Variants in CCSER1 observed in about 807,000 individuals in gnomAD.
CCSER1 encodes coiled-coil serine rich protein 1.
CCSER1 carries 41 observed loss-of-function variants against 82.0 expected under a neutral mutation model. The observed-to-expected ratio is 0.50, with a 90% confidence interval of 0.39 to 0.65. The LOEUF (loss-of-function observed/expected upper bound fraction) is 0.65, where lower values mean the gene tolerates loss of function less well. Among genes scored for constraint, CCSER1 ranks in the 30% least tolerant of loss-of-function variants. CCSER1 has a pLI of 0.00. For missense variants in CCSER1, 1,119 were observed against 1,064.2 expected (o/e 1.05, Z -0.72); for synonymous variants, 414 against 383.9 (o/e 1.08, Z -0.92).
chr4:90,545,998 A>G (rs1315059763), intron 5 of CCSER1, among the ~76,000 whole-genome samples: 3 of 152,144 alleles, frequency 2.0e-5, no homozygotes, highest in Admixed American at 6.6e-5. Context: ...CATGCAACCA[A>G]CACAGTTTCT....
intron 1 of CCSER1, among the ~76,000 whole-genome samples, chr4:90,252,932 A>G (rs925901282): frequency 2.0e-5 from 3 of 151,716 alleles, no homozygotes; most frequent in African/African-American, 4.8e-5. Flanking sequence ...TCGTTTTTGC[A>G]TCTTGGAATC....
intron 10 of CCSER1, among the ~76,000 whole-genome samples, chr4:91,508,597 A>G: frequency 6.7e-6 from 1 of 149,430 alleles, no homozygotes; most frequent in Non-Finnish European, 1.5e-5. Context: ...TGGTTTAGGT[A>G]TCAGTGAAAT....
intron 4 of CCSER1, among the ~76,000 whole-genome samples, chr4:90,457,436 A>G (rs943866580): frequency 2.0e-5 from 3 of 152,108 alleles, no homozygotes; most frequent in Admixed American, 6.6e-5. Flanking sequence ...TCTTGTTTCC[A>G]GGAAGAATGA....
intron 8 of CCSER1, among the ~76,000 whole-genome samples, chr4:90,893,426 C>A (rs985402475): frequency 6.6e-6 from 1 of 151,872 alleles, no homozygotes; most frequent in Non-Finnish European, 1.5e-5. Context: ...AGAAAAACCC[C>A]TGCCAATATA....
intron 3 of CCSER1, among the ~76,000 whole-genome samples, chr4:90,391,927 GA>G (rs1304414459): frequency 2.0e-5 from 3 of 151,898 alleles, no homozygotes; most frequent in Non-Finnish European, 4.4e-5. Flanking sequence ...GTATTTTATT[GA>G]AGAGAAATGT....
intron 8 of CCSER1, among the ~76,000 whole-genome samples, chr4:90,874,571 G>A (rs1416570539): frequency 2.0e-5 from 3 of 152,178 alleles, no homozygotes; most frequent in South Asian, 2.1e-4. Context: ...AGAAAGTAAC[G>A]TAACATTCCT....
chr4:90,304,601 G>T (rs922590669), intron 1 of CCSER1, among the ~76,000 whole-genome samples: 1 of 151,956 alleles, frequency 6.6e-6, no homozygotes, highest in African/African-American at 2.4e-5. Context: ...TGAACAATGA[G>T]AACACATGGA....
chr4:90,665,336 T>C (rs1560910217), intron 6 of CCSER1, among the ~76,000 whole-genome samples: 1 of 151,970 alleles, frequency 6.6e-6, no homozygotes, highest in Non-Finnish European at 1.5e-5. Flanking sequence ...TTTCTTTTTT[T>C]TTTTTGAGAC....
chr4:90,218,632 C>T (rs1741550321), intron 1 of CCSER1, among the ~76,000 whole-genome samples: 1 of 152,074 alleles, frequency 6.6e-6, no homozygotes, highest in Non-Finnish European at 1.5e-5. Flanking sequence ...GTCTTAATTT[C>T]CTTAGGAGTA....
intron 6 of CCSER1, among the ~76,000 whole-genome samples, chr4:90,723,268 T>C (rs1279177987): frequency 6.6e-6 from 1 of 151,980 alleles, no homozygotes; most frequent in African/African-American, 2.4e-5. Flanking sequence ...GACGTTTTAA[T>C]TGATTTTATT....
At chr4:91,482,408 CAAAAAAAA>C (rs537828832) in intron 10 of CCSER1, among the ~76,000 whole-genome samples, 10 of 69,976 alleles carry the variant, frequency 1.4e-4, no homozygotes, top group Admixed American at 2.0e-4. Flanking sequence ...GACTCCGTCT[CAAAAAAAA>C]AAAAAAAAAA....
intron 3 of CCSER1, among the ~76,000 whole-genome samples, chr4:90,388,985 T>C (rs1486063860): frequency 6.6e-6 from 1 of 152,212 alleles, no homozygotes; most frequent in African/African-American, 2.4e-5. Context: ...TCTCATAGTA[T>C]TGTATATTCA....
At chr4:91,467,743 A>G (rs1159720083) in intron 10 of CCSER1, among the ~76,000 whole-genome samples, 1 of 152,224 alleles carries the variant, frequency 6.6e-6, no homozygotes, top group Admixed American at 6.5e-5. Flanking sequence ...CAACAGTCAC[A>G]TGAAAACATG....
intron 6 of CCSER1, among the ~76,000 whole-genome samples, chr4:90,638,304 C>T (rs1413783179): frequency 6.6e-6 from 1 of 151,992 alleles, no homozygotes; most frequent in Admixed American, 6.6e-5. Context: ...CAAAACTCAT[C>T]AAATTACACA....
intron 3 of CCSER1, among the ~76,000 whole-genome samples, chr4:90,385,780 A>G (rs183746277): frequency 1.3e-4 from 19 of 151,904 alleles, no homozygotes; most frequent in African/African-American, 4.3e-4. Context: ...GGCCATTTGT[A>G]TATCTTCTTT....
intron 6 of CCSER1, among the ~76,000 whole-genome samples, chr4:90,650,031 A>G (rs1728425892): frequency 6.6e-6 from 1 of 152,162 alleles, no homozygotes; most frequent in African/African-American, 2.4e-5. Context: ...CTTGGCCAAC[A>G]TAGTGAAACC....
intron 10 of CCSER1, among the ~76,000 whole-genome samples, chr4:91,594,272 CATAT>C (rs371669359): frequency 0.014 from 2,095 of 148,228 alleles, 28 homozygotes; most frequent in African/African-American, 0.031. Context: ...CAACCAAATC[CATAT>C]ATATATATAT....
intron 10 of CCSER1, among the ~76,000 whole-genome samples, chr4:91,564,022 G>C (rs371815018): frequency 6.6e-6 from 1 of 151,732 alleles, no homozygotes; most frequent in South Asian, 2.1e-4. Flanking sequence ...TATCTTTTCT[G>C]CTCCTTTCCC....
intron 10 of CCSER1, among the ~76,000 whole-genome samples, chr4:91,596,739 AACCT>A (rs1764599026): frequency 6.6e-6 from 1 of 152,068 alleles, no homozygotes; most frequent in African/African-American, 2.4e-5. Context: ...CCAAATTACC[AACCT>A]ACCTATGTCT....
Sources: gnomAD v4.1 joint callset for allele counts (sites outside exome capture counted in the v4.1 genomes callset) on GRCh38, gnomAD v4.1.1 for gene constraint, MANE v1.5 for transcripts, NCBI Gene and HGNC (gene_info 2026-07-23, HGNC 2026-07-21) for gene names.